RBM46: variants seen among roughly 807,000 people sequenced by gnomAD.
RBM46 encodes RNA binding motif protein 46, also known as probable RNA-binding protein 46.
In RBM46, 12 loss-of-function variants were observed where a neutral mutation model predicts 43.3. That is an observed-to-expected ratio of 0.28 (90% confidence interval 0.18 to 0.45). The LOEUF is 0.45. RBM46 is among the 20% of genes least tolerant of loss of function. The pLI, the probability that RBM46 is intolerant of heterozygous loss-of-function variation, is 1.00. For synonymous variants in RBM46, 205 were observed against 207.6 expected (o/e 0.99, Z 0.11); for missense variants, 412 against 639.1 (o/e 0.64, Z 3.83).
In RBM46 at chr4:154,796,798, C is replaced by G. The variant is rs144494582; in HGVS notation, c.46C>G (p.Arg16Gly). ...TGGAACAAATGGATGCAGTAAAGTT[C>G]GAACTGGTATTCAGAATGAAGCAGC... ...IDGTNGCSKV[R>G]TGIQNEAALL... is the part of the protein sequence containing the mutation. Residue 16 changes from arginine (R) to glycine (G), a missense_variant, in exon 2 of 5, where the codon CGA becomes GGA. This residue lies in a region of RBM46 where 23 missense variants were observed against 22.9 expected (regional missense o/e 1.00). Coordinates refer to ENST00000281722, the MANE Select transcript of RBM46 (RefSeq NM_144979.5). 1 of 1,613,066 alleles carries G rather than the reference C, an allele frequency of 6.2e-7. No individual in the cohort carries two copies. The highest frequency in any genetic ancestry group is 1.7e-5 in the Admixed American group (1 of 59,924).
chr4:154,811,434 A>T (rs1735166177), intron 4 of RBM46, among the ~76,000 whole-genome samples: 1 of 152,168 alleles, frequency 6.6e-6, no homozygotes, highest in Non-Finnish European at 1.5e-5. Flanking sequence ...TAAATGAGTT[A>T]AAATTATAAA....
At chr4:154,789,827 TATTA>T (rs1174247484) in intron 1 of RBM46, among the ~76,000 whole-genome samples, 2 of 152,212 alleles carry the variant, frequency 1.3e-5, no homozygotes, top group African/African-American at 4.8e-5. Flanking sequence ...GTTGGTAGGC[TATTA>T]ATTATTGCCT....
Position 154,798,984 on chromosome 4 carries a change from T to A in RBM46, c.822T>A (p.Ala274=). 1 of 1,614,076 alleles carries A rather than the reference T, an allele frequency of 6.2e-7. No individual in the cohort carries two copies. The highest frequency in any genetic ancestry group is 8.5e-7 in the Non-Finnish European group (1 of 1,179,986). The change falls in exon 4 of 5, where the codon GCT becomes GCA. Residue 274 remains alanine (A), a synonymous_variant. Coordinates refer to ENST00000281722, the MANE Select transcript of RBM46 (RefSeq NM_144979.5). The part of the protein sequence containing the change: ...VERVKKLRDY[A]FVHFFNREDA... ...GGGTAAAGAAACTTAGAGATTATGCTTTTGTTCACTTTTTCAACCGAGAAG... is the reference window on the plus strand; with the variant it reads ...GGGTAAAGAAACTTAGAGATTATGCATTTGTTCACTTTTTCAACCGAGAAG...
intron 1 of RBM46, among the ~76,000 whole-genome samples, chr4:154,793,513 GCTTCCC>G (rs1734201211): frequency 6.6e-6 from 1 of 152,076 alleles, no homozygotes; most frequent in Non-Finnish European, 1.5e-5. Flanking sequence ...TTTCTGTTGG[GCTTCCC>G]AGCAGATAAT....
chr4:154,798,923 C>A lies in RBM46; in HGVS notation c.761C>A (p.Ala254Glu), dbSNP rs1282603532. The A allele has an allele frequency of 1.2e-6, 2 of 1,613,312 alleles. No individual in the cohort carries two copies. The highest frequency in any genetic ancestry group is 1.7e-6 in the Non-Finnish European group (2 of 1,179,722). ...MISTTEETIK[A>E]EFNKFKPGAV... ...TCAACTACAGAGGAAACAATTAAAG[C>A]AGAATTCAATAAATTTAAGCCTGGT... Residue 254 changes from alanine to glutamate, a missense_variant, in exon 4 of 5, where the codon GCA (alanine) becomes GAA (glutamate). Ala to Glu is a moderately radical substitution (Grantham distance 107). This residue lies in a region of RBM46 where 54 missense variants were observed against 102.5 expected (regional missense o/e 0.53). Coordinates refer to ENST00000281722, the MANE Select transcript of RBM46 (RefSeq NM_144979.5).
At chr4:154,808,116 T>A in intron 4 of RBM46, among the ~76,000 whole-genome samples, 3 of 152,150 alleles carry the variant, frequency 2.0e-5, no homozygotes, top group Middle Eastern at 6.8e-3. Flanking sequence ...AAAACATCAA[T>A]CTCTTAAACA....
rs548159323 is a variant in RBM46, at chr4:154,827,655, C to T, written c.1403-213C>T. On this transcript the variant is annotated intron_variant, in intron 4 of 4. Transcript: ENST00000281722. ...TTCTGGTAAGATCTCTGAAACATTG[C>T]GTGAGTAAAGGAAAGGTAATACTGA... The T allele has an allele frequency of 4.4e-5, 59 of 1,356,142 alleles. No homozygotes were observed. The Admixed American group carries it at 4.4e-4, about 10-fold the overall frequency. The allele number at this position is 1,356,142 out of a possible 1,614,324, so 84.0% of individuals were successfully genotyped here. A position where few individuals can be genotyped will look rare whatever the true frequency, so the allele number is the denominator to read the frequency against.
intron 4 of RBM46, among the ~76,000 whole-genome samples, chr4:154,800,358 A>G (rs1734574465): frequency 1.3e-5 from 2 of 152,190 alleles, no homozygotes; most frequent in African/African-American, 4.8e-5. Context: ...ATGCTCACCA[A>G]TCTGGAAATT....
intron 1 of RBM46, among the ~76,000 whole-genome samples, chr4:154,785,053 G>A (rs748939529): frequency 3.3e-5 from 5 of 151,952 alleles, no homozygotes; most frequent in East Asian, 1.9e-4. Context: ...AATTATACAC[G>A]TGCATATATT....
intron 4 of RBM46, among the ~76,000 whole-genome samples, chr4:154,813,544 T>C (rs1735286153): frequency 6.6e-6 from 1 of 152,112 alleles, no homozygotes; most frequent in Non-Finnish European, 1.5e-5. Context: ...ATGATTTATG[T>C]GCAATTTTTA....
intron 4 of RBM46, among the ~76,000 whole-genome samples, chr4:154,820,082 A>G (rs1013457511): frequency 2.6e-5 from 4 of 151,986 alleles, no homozygotes; most frequent in African/African-American, 9.7e-5. Context: ...GGGTAGTAAT[A>G]TTTAGAAAGA....
intron 4 of RBM46, among the ~76,000 whole-genome samples, chr4:154,814,340 T>G (rs138546683): frequency 7.9e-5 from 12 of 152,150 alleles, no homozygotes; most frequent in African/African-American, 2.9e-4. Context: ...TTTCTCAGAA[T>G]ATATTCATTA....
At position 154,799,143 on chromosome 4, in the gene RBM46, T is replaced by C; in HGVS notation, c.981T>C (p.Ser327=). The change falls in exon 4 of 5, where the codon TCT becomes TCC. Residue 327 remains serine, a synonymous_variant. Coordinates refer to ENST00000281722, the MANE Select transcript of RBM46 (RefSeq NM_144979.5). The part of the protein sequence containing the change: ...QHLNGQISPN[S]ENLIVFANKE... ...TTAATGGTCAGATTAGTCCAAATTC[T>C]GAAAATCTGATTGTGTTTGCTAACA... 3 of 1,614,090 alleles carry C rather than the reference T, an allele frequency of 1.9e-6. No individual in the cohort carries two copies. In the African/African-American group the frequency reaches 4.0e-5, roughly 22 times the overall value.
At chr4:154,822,387 T>G (rs1269170510) in intron 4 of RBM46, among the ~76,000 whole-genome samples, 1 of 151,508 alleles carries the variant, frequency 6.6e-6, no homozygotes, top group Non-Finnish European at 1.5e-5. Flanking sequence ...GAAATTTCAT[T>G]TCTTTATTTC....
intron 4 of RBM46, chr4:154,826,877 T>C: frequency 6.7e-7 from 1 of 1,483,848 alleles, no homozygotes; most frequent in Non-Finnish European, 8.9e-7. Context: ...GGTGTAGGCA[T>C]CATTTATAGT....
In RBM46 at chr4:154,827,900, C is replaced by G. The variant is rs374364404; in HGVS notation, c.1435C>G (p.Leu479Val). The change falls in exon 5 of 5, where the codon CTT (leucine) becomes GTT (valine). Residue 479 changes from leucine to valine, a missense_variant. Leu to Val is a conservative substitution (Grantham distance 32). Around this residue, in one of 8 missense-constraint regions of RBM46, gnomAD observed 149 missense variants for 156.3 expected, o/e 0.95. Coordinates refer to ENST00000281722, the MANE Select transcript of RBM46 (RefSeq NM_144979.5). ...TTTCCATCGCAGCTCAATAAATAGT[C>G]TTTCCCCTGTTAGTGCTACCCTCTC... The part of the protein sequence containing the change: ...YNFHRSSINS[L>V]SPVSATLSSG... 2.5e-5 allele frequency: 40 copies of G among 1,613,776 alleles called. No individual in the cohort carries two copies. Among genetic ancestry groups the G allele is most frequent in the Non-Finnish European group, 5.1e-6 (6 of 1,179,844 alleles).
chr4:154,800,352 T>C (rs924079204), intron 4 of RBM46, among the ~76,000 whole-genome samples: 4 of 152,190 alleles, frequency 2.6e-5, no homozygotes, highest in African/African-American at 9.7e-5. Flanking sequence ...AGCTTTATGC[T>C]CACCAATCTG....
chr4:154,805,389 C>A (rs1734860184), intron 4 of RBM46, among the ~76,000 whole-genome samples: 1 of 151,934 alleles, frequency 6.6e-6, no homozygotes, highest in Non-Finnish European at 1.5e-5. Flanking sequence ...TTTCAGTATT[C>A]ATTTTGTAAT....
At chr4:154,811,761 A>G (rs1735192257) in intron 4 of RBM46, among the ~76,000 whole-genome samples, 1 of 151,512 alleles carries the variant, frequency 6.6e-6, no homozygotes, top group Non-Finnish European at 1.5e-5. Flanking sequence ...GCTCATTGCA[A>G]CATCCGCCTC....
Sources: allele counts gnomAD v4.1 joint callset (sites outside exome capture counted in the v4.1 genomes callset), GRCh38; gene constraint gnomAD v4.1.1; regional missense constraint gnomAD v4.1.1; transcripts MANE v1.5; gene names NCBI Gene and HGNC (gene_info 2026-07-23, HGNC 2026-07-21).